Variants in HSPA4 observed in about 807,000 individuals in gnomAD.
HSPA4 encodes heat shock 70 kDa protein 4.
A neutral mutation model predicts 106.2 loss-of-function variants in HSPA4; 25 were observed. That is an observed-to-expected ratio of 0.24 (90% confidence interval 0.17 to 0.33). The LOEUF is 0.33. HSPA4 is among the 10% of genes least tolerant of loss of function. The probability of loss-of-function intolerance (pLI) is 1.00; values close to 1 mark genes in which losing one functional copy is unlikely to be tolerated. For synonymous variants in HSPA4, 332 were observed against 333.6 expected (o/e 1.00, Z 0.05); for missense variants, 841 against 996.0 (o/e 0.84, Z 2.10).
At chr5:133,072,392 GTTT>G (rs748459297) in intron 4 of HSPA4, among the ~76,000 whole-genome samples, 1 of 75,726 alleles carries the variant, frequency 1.3e-5, no homozygotes, top group Non-Finnish European at 2.4e-5. Context: ...GTCCAGGGTT[GTTT>G]TTTTTTTTTT....
At chr5:133,058,772 C>A (rs1765199430) in intron 1 of HSPA4, among the ~76,000 whole-genome samples, 1 of 152,006 alleles carries the variant, frequency 6.6e-6, no homozygotes, top group Non-Finnish European at 1.5e-5. Context: ...GTGGGGGGAT[C>A]ACTTGAGCTC....
intron 13 of HSPA4, among the ~76,000 whole-genome samples, chr5:133,093,764 T>TG (rs1765679158): frequency 6.6e-6 from 1 of 152,084 alleles, no homozygotes; most frequent in Non-Finnish European, 1.5e-5. Context: ...ATTACAGGCA[T>TG]GAGCCACTGC....
At chr5:133,061,164 C>G (rs1765237223) in intron 1 of HSPA4, among the ~76,000 whole-genome samples, 1 of 150,966 alleles carries the variant, frequency 6.6e-6, no homozygotes, top group Non-Finnish European at 1.5e-5. Context: ...GCCCTGTCAC[C>G]CAGGCTGGAG....
chr5:133,074,054 T>G lies in HSPA4; in HGVS notation c.591T>G (p.Asn197Lys). 4 of 1,607,496 alleles carry G rather than the reference T, an allele frequency of 2.5e-6. No homozygotes were observed. Among genetic ancestry groups the G allele is most frequent in the Non-Finnish European group, 3.4e-6 (4 of 1,176,490 alleles). Residue 197 changes from asparagine (N) to lysine (K), a missense_variant, in exon 6 of 19, where the codon AAT becomes AAG. This residue lies in a region of HSPA4 where 347 missense variants were observed against 408.7 expected (regional missense o/e 0.85). Coordinates refer to ENST00000304858, the MANE Select transcript of HSPA4 (RefSeq NM_002154.4). ...DLPALEEKPR[N>K]VVFVDMGHSA... Reference sequence around the variant, plus strand: ...CTGCCTTAGAAGAGAAACCAAGAAATGTAGTTTTTGTAGACATGGGCCACT... The same window carrying G: ...CTGCCTTAGAAGAGAAACCAAGAAAGGTAGTTTTTGTAGACATGGGCCACT...
At chr5:133,066,449 A>G (rs1386660480) in intron 2 of HSPA4, among the ~76,000 whole-genome samples, 1 of 152,214 alleles carries the variant, frequency 6.6e-6, no homozygotes, top group Non-Finnish European at 1.5e-5. Flanking sequence ...ATTAGAAAAC[A>G]TAGATAAAAA....
chr5:133,054,186 C>T (rs543009221), intron 1 of HSPA4, among the ~76,000 whole-genome samples: 28 of 152,066 alleles, frequency 1.8e-4, no homozygotes, highest in African/African-American at 6.5e-4. Flanking sequence ...GTTAACAGCC[C>T]TATTAAGGTT....
intron 7 of HSPA4, among the ~76,000 whole-genome samples, chr5:133,079,753 C>T (rs527893655): frequency 2.0e-5 from 3 of 152,174 alleles, no homozygotes; most frequent in Admixed American, 6.5e-5. Flanking sequence ...AGTTTCTCCA[C>T]GTCTTTGTCA....
intron 1 of HSPA4, among the ~76,000 whole-genome samples, chr5:133,056,853 T>C (rs918789192): frequency 6.6e-6 from 1 of 152,236 alleles, no homozygotes; most frequent in African/African-American, 2.4e-5. Context: ...TTGGAGATTA[T>C]GAGAATTATA....
chr5:133,071,836 T>C (rs576487403), intron 4 of HSPA4, among the ~76,000 whole-genome samples: 4 of 152,312 alleles, frequency 2.6e-5, no homozygotes, highest in African/African-American at 9.6e-5. Context: ...CTTTATTCTT[T>C]ATAGAAGAAT....
At chr5:133,067,593 G>A (rs766638732) in intron 3 of HSPA4, 36 bp downstream of exon 3, 2 of 1,520,246 alleles carry the variant, frequency 1.3e-6, no homozygotes, top group Non-Finnish European at 1.8e-6. Context: ...TAATTAAAAT[G>A]CATTATTATA....
intron 1 of HSPA4, among the ~76,000 whole-genome samples, chr5:133,062,336 A>G (rs1032815577): frequency 6.6e-6 from 1 of 152,208 alleles, no homozygotes; most frequent in African/African-American, 2.4e-5. Flanking sequence ...TGCAGGAAAC[A>G]ATGGAAGATG....
At chr5:133,084,842 C>A (rs1765558386) in intron 7 of HSPA4, among the ~76,000 whole-genome samples, 1 of 151,868 alleles carries the variant, frequency 6.6e-6, no homozygotes, top group Non-Finnish European at 1.5e-5. Flanking sequence ...GAAAGGATAC[C>A]TATTGCCCAG....
At chr5:133,074,188 G>A in intron 6 of HSPA4, 62 bp downstream of exon 6, 1 of 1,149,316 alleles carries the variant, frequency 8.7e-7, no homozygotes, top group Non-Finnish European at 1.2e-6. Flanking sequence ...AATTTTGAGA[G>A]ACAATGATTT....
intron 5 of HSPA4, among the ~76,000 whole-genome samples, chr5:133,073,696 T>C (rs2126702315): frequency 6.6e-6 from 1 of 152,186 alleles, no homozygotes; most frequent in Admixed American, 6.5e-5. Flanking sequence ...GATGTTAACA[T>C]AGCATAGGGG....
chr5:133,089,714 A>G lies in HSPA4; in HGVS notation c.1378+19A>G. ...GCTATAGGTAAGTAAAGAGTTGGAA[A>G]TTAAAAAAGAAAAAAAAAAAAAAGC... On this transcript the variant is annotated intron_variant, in intron 11 of 18. Transcript: ENST00000304858. The G allele has an allele frequency of 2.7e-6, 4 of 1,484,732 alleles. No homozygotes were observed. Among genetic ancestry groups the G allele is most frequent in the Non-Finnish European group, 2.7e-6 (3 of 1,113,568 alleles). 92.0% of individuals were successfully genotyped at this position (1,484,732 alleles called of 1,614,324 possible). A position where few individuals can be genotyped will look rare whatever the true frequency, so the allele number is the denominator to read the frequency against.
chr5:133,060,148 TGGG>T (rs1765221164), intron 1 of HSPA4, among the ~76,000 whole-genome samples: 1 of 151,444 alleles, frequency 6.6e-6, no homozygotes. Context: ...CCCTCTGTGG[TGGG>T]GGGAGGGTTG....
At chr5:133,072,373 C>G (rs960428926) in intron 4 of HSPA4, among the ~76,000 whole-genome samples, 52 of 149,168 alleles carry the variant, frequency 3.5e-4, no homozygotes, top group Admixed American at 1.3e-3. Flanking sequence ...AGGAGTTCTG[C>G]CTAGCCTGGT....
intron 4 of HSPA4, among the ~76,000 whole-genome samples, chr5:133,072,761 A>T (rs1765400918): frequency 6.6e-6 from 1 of 151,980 alleles, no homozygotes; most frequent in Admixed American, 6.6e-5. Context: ...CCTAGCATGA[A>T]CCAAAATTCC....
At chr5:133,052,399 G>C in intron 1 of HSPA4, 42 bp downstream of exon 1, 1 of 1,274,032 alleles carries the variant, frequency 7.8e-7, no homozygotes, top group Non-Finnish European at 1.1e-6. Context: ...GGGGTTAGGA[G>C]ATAATGCTTG....
Sources: allele counts gnomAD v4.1 joint callset (sites outside exome capture counted in the v4.1 genomes callset), GRCh38; gene constraint gnomAD v4.1.1; regional missense constraint gnomAD v4.1.1; transcripts MANE v1.5; gene names NCBI Gene and HGNC (gene_info 2026-07-23, HGNC 2026-07-21).